The following CFAP77 variants were observed in gnomAD, a reference collection of about 807,000 sequenced individuals.
The protein encoded by CFAP77 is cilia- and flagella-associated protein 77.
In CFAP77, 25 loss-of-function variants were observed where a neutral mutation model predicts 31.1. The observed-to-expected ratio is 0.80, with a 90% CI of 0.59 to 1.12. The LOEUF (loss-of-function observed/expected upper bound fraction) is 1.12, where lower values mean the gene tolerates loss of function less well. Ranked by LOEUF, CFAP77 falls within the 50% of genes most tolerant of loss-of-function variation. The pLI, the probability that CFAP77 is intolerant of heterozygous loss-of-function variation, is 0.00. For synonymous variants in CFAP77, 151 were observed against 159.9 expected, an observed-to-expected ratio of 0.94 and a Z score of 0.42; for missense variants, 377 against 397.3, an observed-to-expected ratio of 0.95 and a Z score of 0.44.
chr9:132,476,589 G>C (rs761865885), intron 1 of CFAP77, among the ~76,000 whole-genome samples: 41 of 152,172 alleles, frequency 2.7e-4, no homozygotes, highest in Non-Finnish European at 4.0e-4. Flanking sequence ...AGGTGATCAA[G>C]TTAAGGCTCT....
At chr9:132,439,561 A>G (rs1850577813) in intron 1 of CFAP77, among the ~76,000 whole-genome samples, 1 of 151,910 alleles carries the variant, frequency 6.6e-6, no homozygotes, top group Non-Finnish European at 1.5e-5. Flanking sequence ...AGATGCTCTA[A>G]TCTGGCCGGG....
chr9:132,463,952 C>A (rs964414626), intron 1 of CFAP77, among the ~76,000 whole-genome samples: 4 of 152,174 alleles, frequency 2.6e-5, no homozygotes, highest in African/African-American at 9.7e-5. Flanking sequence ...GGCTGGGAGC[C>A]GCCTGATGGT....
chr9:132,515,738 C>T (rs555806233), intron 3 of CFAP77, among the ~76,000 whole-genome samples: 2 of 152,250 alleles, frequency 1.3e-5, no homozygotes, highest in South Asian at 4.1e-4. Flanking sequence ...GAGAACTTGC[C>T]TTGAAGCCTG....
intron 1 of CFAP77, among the ~76,000 whole-genome samples, chr9:132,458,355 G>GGGGGGGAGT (rs1850964954): frequency 7.5e-6 from 1 of 133,738 alleles, no homozygotes; most frequent in East Asian, 2.3e-4. Context: ...GGGAGGGGGG[G>GGGGGGGAGT]GGGTGTGTAT....
intron 1 of CFAP77, among the ~76,000 whole-genome samples, chr9:132,459,601 C>T (rs540592602): frequency 9.8e-5 from 14 of 142,542 alleles, no homozygotes; most frequent in Non-Finnish European, 2.1e-4. Context: ...ATATATATGC[C>T]TGTATATGTG....
intron 1 of CFAP77, chr9:132,482,402 C>G (rs1453055564): frequency 6.2e-7 from 1 of 1,612,458 alleles, no homozygotes; most frequent in East Asian, 2.2e-5. Flanking sequence ...GACACCACAT[C>G]AAAGGAGGCC....
intron 1 of CFAP77, among the ~76,000 whole-genome samples, chr9:132,441,031 C>T (rs932928986): frequency 2.6e-5 from 4 of 152,220 alleles, no homozygotes; most frequent in African/African-American, 9.7e-5. Flanking sequence ...TTCACCATCA[C>T]CCTTCTCTCC....
chr9:132,571,205 G>A (rs1452385095), intron 5 of CFAP77, among the ~76,000 whole-genome samples: 1 of 152,096 alleles, frequency 6.6e-6, no homozygotes, highest in Non-Finnish European at 1.5e-5. Context: ...TGAACCCACT[G>A]CAGAGCCTTT....
chr9:132,472,136 T>C (rs1317770584), intron 1 of CFAP77, among the ~76,000 whole-genome samples: 1 of 152,036 alleles, frequency 6.6e-6, no homozygotes, highest in African/African-American at 2.4e-5. Context: ...TTCTCCTTTC[T>C]GTTACTCAGA....
chr9:132,522,785 C>T (rs886176912), intron 3 of CFAP77, among the ~76,000 whole-genome samples: 1 of 152,176 alleles, frequency 6.6e-6, no homozygotes, highest in African/African-American at 2.4e-5. Context: ...TGGTGGAAAA[C>T]AAACGGCCTG....
chr9:132,451,751 C>G (rs1242468895), intron 1 of CFAP77, among the ~76,000 whole-genome samples: 1 of 152,026 alleles, frequency 6.6e-6, no homozygotes, highest in Admixed American at 6.6e-5. Flanking sequence ...GCCCTCACCC[C>G]CTCCACTCTG....
At chr9:132,542,880 C>G (rs1180710998) in intron 4 of CFAP77, 66 bp from the exon 5 acceptor site, 1 of 1,244,348 alleles carries the variant, frequency 8.0e-7, no homozygotes, top group South Asian at 1.2e-5. Context: ...TCTCTATATC[C>G]CTTCAGCACG....
intron 1 of CFAP77, among the ~76,000 whole-genome samples, chr9:132,467,367 C>G (rs1323183615): frequency 1.3e-5 from 2 of 152,180 alleles, no homozygotes; most frequent in African/African-American, 4.8e-5. Context: ...CTCCTCCCCT[C>G]AGCTCCTGGC....
chr9:132,513,846 C>A (rs1441983305), intron 3 of CFAP77, among the ~76,000 whole-genome samples: 1 of 152,214 alleles, frequency 6.6e-6, no homozygotes, highest in Non-Finnish European at 1.5e-5. Flanking sequence ...CGGGTGCTGG[C>A]CCCATCTGCC....
At chr9:132,472,576 G>C (rs1213668487) in intron 1 of CFAP77, among the ~76,000 whole-genome samples, 1 of 152,218 alleles carries the variant, frequency 6.6e-6, no homozygotes, top group Non-Finnish European at 1.5e-5. Flanking sequence ...GGGCAGCATA[G>C]TGAGACCCGC....
rs571673049 is a variant in CFAP77, at chr9:132,517,721, G to A, written c.524+18121G>A. On this transcript the variant is annotated intron_variant, in intron 3 of 5. Coordinates refer to ENST00000393216, the MANE Select transcript of CFAP77 (RefSeq NM_001282957.2). The surrounding 1 kb of genome is among the most constrained non-coding windows in gnomAD (Gnocchi z 4.7). ...ATCCACAGAGCACTCCTGGCAGAGC[G>A]GAGCCGCACCGGCAAATCAGAGCTG... 1.3e-4 allele frequency among the ~76,000 whole-genome samples: 20 copies of A among 152,366 alleles called. No individual in the cohort carries two copies. Among genetic ancestry groups the A allele is most frequent in the Non-Finnish European group, 2.1e-4 (14 of 68,044 alleles).
chr9:132,525,879 G>A (rs941530934), intron 3 of CFAP77, among the ~76,000 whole-genome samples: 4 of 152,198 alleles, frequency 2.6e-5, no homozygotes, highest in African/African-American at 7.2e-5. Flanking sequence ...CATCTGAGAT[G>A]TTGCATGTAG....
At chr9:132,437,009 A>G (rs1374887580) in intron 1 of CFAP77, among the ~76,000 whole-genome samples, 1 of 152,146 alleles carries the variant, frequency 6.6e-6, no homozygotes, top group Non-Finnish European at 1.5e-5. Flanking sequence ...TTTTAAAGTT[A>G]CAGTAGAGCT....
chr9:132,467,791 G>A (rs1017824080), intron 1 of CFAP77, among the ~76,000 whole-genome samples: 13 of 152,136 alleles, frequency 8.5e-5, no homozygotes, highest in Non-Finnish European at 1.6e-4. Context: ...CACAGCAGCT[G>A]TATCCTTTGG....
Sources: allele counts gnomAD v4.1 joint callset (sites outside exome capture counted in the v4.1 genomes callset), GRCh38; gene constraint gnomAD v4.1.1; non-coding constraint Gnocchi (gnomAD v3.1); transcripts MANE v1.5; gene names NCBI Gene and HGNC (gene_info 2026-07-23, HGNC 2026-07-21).